GON4L: variants seen among roughly 807,000 people sequenced by gnomAD.
GON4L encodes the protein gon-4 like.
A neutral mutation model predicts 211.8 loss-of-function variants in GON4L; 87 were observed. That is an observed-to-expected ratio of 0.41 (90% confidence interval 0.35 to 0.49). GON4L has a LOEUF of 0.49. Among genes scored for constraint, GON4L ranks in the 20% least tolerant of loss-of-function variants. The pLI is 0.15. For missense variants in GON4L, 2,155 were observed against 2,659.5 expected, an observed-to-expected ratio of 0.81 and a Z score of 4.17; for synonymous variants, 875 against 962.6, an observed-to-expected ratio of 0.91 and a Z score of 1.68.
rs781452463 is a variant in GON4L, at chr1:155,826,853, T to A, written c.681A>T (p.Gly227=). The A allele has an allele frequency of 2.5e-6, 4 of 1,609,784 alleles. No homozygotes were observed. Among genetic ancestry groups the A allele is most frequent in the South Asian group, 2.2e-5 (2 of 90,956 alleles). The change falls in exon 3 of 32, where the codon GGA becomes GGT. Residue 227 remains glycine (G), a synonymous_variant. Coordinates refer to ENST00000368331, the MANE Select transcript of GON4L (RefSeq NM_001282860.2). ...AAAGCCTACCCATTGGAATGAAGAG[T>A]CCACCATCTTCTATCTCTTCCTCAG... is the stretch of plus-strand genomic sequence containing the variant. ...HQPEEEIEDG[G]LFIPMEEQDN... is the part of the protein sequence containing the mutation.
At position 155,834,916 on chromosome 1, in the gene GON4L, A is replaced by C. The variant is rs1194425641; in HGVS notation, c.506-7888T>G. Among the ~76,000 whole-genome samples the C allele has an allele frequency of 6.6e-5, 9 of 136,356 alleles. No homozygotes were observed. In the East Asian group the frequency reaches 1.9e-3, roughly 29 times the overall value. 89.5% of individuals were successfully genotyped at this position (136,356 alleles called of 152,430 possible). On this transcript the variant is annotated intron_variant, in intron 2 of 31. Coordinates refer to ENST00000368331, the MANE Select transcript of GON4L (RefSeq NM_001282860.2). ...CGGGAGGTGAGGGGCGCCTCTGCCC[A>C]GCCGCCCCTACTGGGAAGTGAGGAG...
chr1:155,751,931 C>G (rs746038727), intron 30 of GON4L, 29 bp downstream of exon 30: 2 of 1,612,738 alleles, frequency 1.2e-6, no homozygotes, highest in Admixed American at 1.7e-5. Context: ...ATGCTCTTTT[C>G]CAAACACACG....
intron 24 of GON4L, among the ~76,000 whole-genome samples, chr1:155,759,933 T>C (rs1191055834): frequency 6.8e-6 from 1 of 147,528 alleles, no homozygotes; most frequent in Non-Finnish European, 1.5e-5. Flanking sequence ...TTTTGCTGTT[T>C]ATATTTATTT....
intron 6 of GON4L, among the ~76,000 whole-genome samples, chr1:155,819,174 G>A (rs907501858): frequency 2.7e-5 from 4 of 150,074 alleles, no homozygotes; most frequent in African/African-American, 9.8e-5. Flanking sequence ...ATGGTGGCAC[G>A]CACCTGTAAT....
At chr1:155,827,703 A>C (rs867560480) in intron 2 of GON4L, among the ~76,000 whole-genome samples, 263 of 147,754 alleles carry the variant, frequency 1.8e-3, no homozygotes, top group Middle Eastern at 7.3e-3. Context: ...CACACACAAA[A>C]AAAAAAGCCA....
At chr1:155,854,761 C>T (rs1403367913) in intron 1 of GON4L, among the ~76,000 whole-genome samples, 2 of 152,258 alleles carry the variant, frequency 1.3e-5, no homozygotes, top group African/African-American at 4.8e-5. Flanking sequence ...TGGCTGGGCA[C>T]GAGATGGCTC....
intron 10 of GON4L, among the ~76,000 whole-genome samples, chr1:155,809,815 T>A (rs1339816996): frequency 0.034 from 672 of 20,028 alleles, 219 homozygotes; most frequent in East Asian, 0.12. Context: ...AATTATATAC[T>A]TATATATAAT....
chr1:155,789,923 T>C (rs1405299443), intron 12 of GON4L, among the ~76,000 whole-genome samples: 2 of 152,140 alleles, frequency 1.3e-5, no homozygotes, highest in Non-Finnish European at 2.9e-5. Context: ...ATGCTTGTTA[T>C]ACCTTATTAT....
At chr1:155,815,946 A>C in intron 7 of GON4L, 46 bp from the exon 8 acceptor site, 1 of 1,141,128 alleles carries the variant, frequency 8.8e-7, no homozygotes, top group African/African-American at 1.5e-5. Flanking sequence ...GGAAACACAA[A>C]TCATACGTAT....
chr1:155,761,375 T>C (rs909091940), intron 23 of GON4L, among the ~76,000 whole-genome samples: 1 of 151,590 alleles, frequency 6.6e-6, no homozygotes, highest in Non-Finnish European at 1.5e-5. Flanking sequence ...TTTGTAGAGA[T>C]GGAGGTCTCC....
At chr1:155,806,154 A>ATT (rs747278318) in intron 10 of GON4L, among the ~76,000 whole-genome samples, 1 of 138,926 alleles carries the variant, frequency 7.2e-6, no homozygotes. Context: ...TGCTCGGCTA[A>ATT]TTTTTTTTTT....
intron 12 of GON4L, among the ~76,000 whole-genome samples, chr1:155,790,738 G>A (rs1009996859): frequency 6.6e-6 from 1 of 151,714 alleles, no homozygotes. Flanking sequence ...AAGGTCAGGA[G>A]ATCGAGACCA....
intron 10 of GON4L, among the ~76,000 whole-genome samples, chr1:155,810,706 C>CAA (rs34418869): frequency 3.7e-5 from 4 of 106,868 alleles, no homozygotes; most frequent in Non-Finnish European, 6.1e-5. Flanking sequence ...GACTCCGTCT[C>CAA]AAAAAAAAAA....
In GON4L at chr1:155,815,818, T is replaced by C. The variant is rs748683950; in HGVS notation, c.1148A>G (p.Glu383Gly). 3.8e-6 allele frequency: 6 copies of C among 1,595,544 alleles called. No homozygotes were observed. The South Asian group carries it at 6.6e-5, about 18-fold the overall frequency. The part of the protein sequence containing the change: ...EYQPDDEEED[E>G]TAEESLLESD... Reference sequence around the variant, plus strand: ...ACATTCACTGACCTCTTCAGCAGTTTCATCTTCTTCTTCATCATCCGGCTG... The same window carrying C: ...ACATTCACTGACCTCTTCAGCAGTTCCATCTTCTTCTTCATCATCCGGCTG... Residue 383 changes from glutamate (E) to glycine (G), a missense_variant, in exon 8 of 32, where the codon GAA (glutamate) becomes GGA (glycine). Around this residue, in one of 6 missense-constraint regions of GON4L, gnomAD observed 551 missense variants for 854.0 expected, o/e 0.65. Transcript: ENST00000368331.
intron 2 of GON4L, among the ~76,000 whole-genome samples, chr1:155,842,985 G>A (rs1557924976): frequency 6.6e-6 from 1 of 152,120 alleles, no homozygotes; most frequent in Admixed American, 6.5e-5. Context: ...ACCTGTCCCG[G>A]ATTAAACAAA....
chr1:155,805,971 G>C (rs1048597935), intron 10 of GON4L, among the ~76,000 whole-genome samples: 2 of 144,934 alleles, frequency 1.4e-5, no homozygotes, highest in African/African-American at 5.1e-5. Context: ...TTACAGCTGT[G>C]AGCCACCATG....
intron 2 of GON4L, among the ~76,000 whole-genome samples, chr1:155,839,807 A>G (rs1462925671): frequency 6.6e-6 from 1 of 152,240 alleles, no homozygotes; most frequent in Admixed American, 6.5e-5. Context: ...GAATCTTTCT[A>G]AAGAATGGTC....
intron 28 of GON4L, among the ~76,000 whole-genome samples, chr1:155,753,669 G>A (rs1009574449): frequency 2.6e-5 from 4 of 152,134 alleles, no homozygotes; most frequent in Non-Finnish European, 2.9e-5. Flanking sequence ...GTGAGACTCT[G>A]TCTCAAATGA....
chr1:155,800,797 AG>A (rs1666579412), intron 11 of GON4L, among the ~76,000 whole-genome samples: 1 of 144,910 alleles, frequency 6.9e-6, no homozygotes, highest in Non-Finnish European at 1.5e-5. Context: ...TGCAGTGAGC[AG>A]GGATTGTGCC....
Sources: gnomAD v4.1 joint callset for allele counts (sites outside exome capture counted in the v4.1 genomes callset) on GRCh38, gnomAD v4.1.1 for gene constraint, gnomAD v4.1.1 regional missense constraint, MANE v1.5 for transcripts, NCBI Gene and HGNC (gene_info 2026-07-23, HGNC 2026-07-21) for gene names.